Variants in SORCS2 observed in about 807,000 individuals in gnomAD.
SORCS2 encodes sortilin related VPS10 domain containing receptor 2, also known as VPS10 domain-containing receptor SorCS2.
A neutral mutation model predicts 141.6 loss-of-function variants in SORCS2; 100 were observed. That is an observed-to-expected ratio of 0.71 (90% CI 0.60 to 0.83). SORCS2 has a LOEUF of 0.83. SORCS2 is among the 40% of genes least tolerant of loss of function. The pLI, the probability that SORCS2 is intolerant of heterozygous loss-of-function variation, is 0.00. For synonymous variants in SORCS2, 789 were observed against 676.9 expected (o/e 1.17, Z -2.57); for missense variants, 1,646 against 1,560.2 (o/e 1.05, Z -0.93).
intron 1 of SORCS2, among the ~76,000 whole-genome samples, chr4:7,236,308 G>A (rs1335584946): frequency 1.3e-5 from 2 of 152,188 alleles, no homozygotes; most frequent in Non-Finnish European, 2.9e-5. Context: ...CAGGAGCCAC[G>A]TGGGTATCTG....
chr4:7,285,333 C>CCATCTCCT (rs1276307269), intron 1 of SORCS2, among the ~76,000 whole-genome samples: 1 of 152,156 alleles, frequency 6.6e-6, no homozygotes, highest in Non-Finnish European at 1.5e-5. Flanking sequence ...ACGCCCGGCC[C>CCATCTCCT]CATCTCCTCA....
At chr4:7,383,587 G>A (rs1723120540) in intron 1 of SORCS2, among the ~76,000 whole-genome samples, 2 of 152,178 alleles carry the variant, frequency 1.3e-5, no homozygotes, top group East Asian at 1.9e-4. Flanking sequence ...CCCACCTCCC[G>A]GAGATACCCG....
chr4:7,446,384 T>C (rs1056624608), intron 2 of SORCS2, among the ~76,000 whole-genome samples: 2 of 152,200 alleles, frequency 1.3e-5, no homozygotes, highest in African/African-American at 2.4e-5. Context: ...TACAGGTAGC[T>C]TCACTAGGGA....
At chr4:7,493,059 A>T (rs1044087152) in intron 2 of SORCS2, among the ~76,000 whole-genome samples, 33 of 152,206 alleles carry the variant, frequency 2.2e-4, no homozygotes, top group African/African-American at 7.2e-4. Flanking sequence ...GGCTCCTTCC[A>T]TCTGGGGTGT....
At chr4:7,504,163 A>T (rs1732142111) in intron 2 of SORCS2, among the ~76,000 whole-genome samples, 1 of 152,198 alleles carries the variant, frequency 6.6e-6, no homozygotes, top group South Asian at 2.1e-4. Flanking sequence ...CTCCTTGCTC[A>T]GGGACCCTTG....
At chr4:7,455,776 T>C (rs1460998328) in intron 2 of SORCS2, among the ~76,000 whole-genome samples, 1 of 150,852 alleles carries the variant, frequency 6.6e-6, no homozygotes, top group African/African-American at 2.4e-5. Flanking sequence ...GTTAGTGTCA[T>C]GAGCCACTTT....
chr4:7,500,163 G>A (rs956612989), intron 2 of SORCS2, among the ~76,000 whole-genome samples: 5 of 152,236 alleles, frequency 3.3e-5, no homozygotes, highest in Middle Eastern at 3.4e-3. Context: ...CCGGTGGTAC[G>A]TCCAGCTCCC....
chr4:7,418,799 A>G (rs1725863893), intron 2 of SORCS2, among the ~76,000 whole-genome samples: 2 of 148,446 alleles, frequency 1.3e-5, no homozygotes, highest in Admixed American at 1.4e-4. Context: ...AGCTGGCTGG[A>G]TCTTTGGTTA....
intron 1 of SORCS2, among the ~76,000 whole-genome samples, chr4:7,254,517 G>C (rs13133521): frequency 0.43 from 65,149 of 152,062 alleles, 15,584 homozygotes; most frequent in South Asian, 0.57. Context: ...TGGAGACTCG[G>C]ATGGGTGGCA....
At chr4:7,640,359 T>G (rs1469426555) in intron 4 of SORCS2, among the ~76,000 whole-genome samples, 1 of 150,746 alleles carries the variant, frequency 6.6e-6, no homozygotes, top group Non-Finnish European at 1.5e-5. Flanking sequence ...AGAGCCTATG[T>G]GAGCATGTGT....
chr4:7,579,525 C>T (rs988057596), intron 3 of SORCS2, among the ~76,000 whole-genome samples: 2 of 152,164 alleles, frequency 1.3e-5, no homozygotes, highest in African/African-American at 4.8e-5. Context: ...GAACCCTCCC[C>T]TTGGTCCTCC....
intron 3 of SORCS2, among the ~76,000 whole-genome samples, chr4:7,612,259 G>T (rs2108811482): frequency 6.6e-6 from 1 of 152,318 alleles, no homozygotes; most frequent in East Asian, 1.9e-4. Flanking sequence ...CTTTTGGGAG[G>T]TCACAGGGGT....
At chr4:7,330,291 C>T (rs1268387208) in intron 1 of SORCS2, among the ~76,000 whole-genome samples, 2 of 152,074 alleles carry the variant, frequency 1.3e-5, no homozygotes, top group South Asian at 2.1e-4. Context: ...CGTGAGGCGA[C>T]GTTCCCAGGT....
At chr4:7,587,905 CAAA>C (rs1421999175) in intron 3 of SORCS2, among the ~76,000 whole-genome samples, 1 of 152,190 alleles carries the variant, frequency 6.6e-6, no homozygotes. Flanking sequence ...GTAGCAACAA[CAAA>C]AAGATGGATT....
At chr4:7,238,297 G>GT (rs901727988) in intron 1 of SORCS2, among the ~76,000 whole-genome samples, 8 of 152,064 alleles carry the variant, frequency 5.3e-5, no homozygotes, top group African/African-American at 1.9e-4. Flanking sequence ...GTCTGGGGGG[G>GT]GTTGCTGGTA....
chr4:7,410,263 T>G (rs1362249095), intron 2 of SORCS2, among the ~76,000 whole-genome samples: 1 of 152,216 alleles, frequency 6.6e-6, no homozygotes, highest in Non-Finnish European at 1.5e-5. Context: ...ATAGCCAGTT[T>G]TCAGATGGGA....
At chr4:7,476,716 A>T (rs1485014516) in intron 2 of SORCS2, among the ~76,000 whole-genome samples, 1 of 151,754 alleles carries the variant, frequency 6.6e-6, no homozygotes, top group Admixed American at 6.6e-5. Context: ...CCAATCATGA[A>T]CCCTCTCTTG....
At chr4:7,304,439 G>A (rs1486495777) in intron 1 of SORCS2, among the ~76,000 whole-genome samples, 1 of 152,196 alleles carries the variant, frequency 6.6e-6, no homozygotes, top group East Asian at 1.9e-4. Context: ...CAGGAGAACT[G>A]ATGGAGAAGA....
intron 4 of SORCS2, among the ~76,000 whole-genome samples, chr4:7,644,212 AC>A (rs1720910666): frequency 6.6e-6 from 1 of 152,140 alleles, no homozygotes; most frequent in Admixed American, 6.5e-5. Flanking sequence ...GAAGGTGGGG[AC>A]CAGAACCTCC....
Sources: allele counts gnomAD v4.1 joint callset (sites outside exome capture counted in the v4.1 genomes callset), GRCh38; gene constraint gnomAD v4.1.1; transcripts MANE v1.5; gene names NCBI Gene and HGNC (gene_info 2026-07-23, HGNC 2026-07-21).